The following ATE1 variants were observed in gnomAD, a reference collection of about 807,000 sequenced individuals.
ATE1 encodes the protein arginyltransferase 1.
Under a neutral mutation model 70.5 loss-of-function variants are expected in ATE1, and 36 were observed. The observed-to-expected ratio is 0.51, with a 90% CI of 0.39 to 0.67. The LOEUF is 0.67. ATE1 is among the 30% of genes least tolerant of loss of function. ATE1 has a pLI of 0.00. For missense variants in ATE1, 593 were observed against 629.5 expected (o/e 0.94, Z 0.62); for synonymous variants, 232 against 219.3 (o/e 1.06, Z -0.51).
chr10:121,813,808 C>T (rs980963748), intron 10 of ATE1, among the ~76,000 whole-genome samples: 14 of 152,222 alleles, frequency 9.2e-5, no homozygotes, highest in Admixed American at 4.6e-4. Context: ...TGCTCCCCTT[C>T]CCAGCTCCCT....
In ATE1 at chr10:121,745,600, G is replaced by A. The variant is rs186561699; in HGVS notation, c.1379-1742C>T. Among the ~76,000 whole-genome samples the A allele has an allele frequency of 4.1e-3, 631 of 152,260 alleles. 5 individuals carry two copies. The highest frequency in any genetic ancestry group is 0.014 in the African/African-American group (569 of 41,566). ...AAATTAGCCAGGCGTGGTGGCGGGC[G>A]CCTGTAGTCCCAGCTACTCAGGAGG... On this transcript the variant is annotated intron_variant, in intron 11 of 11. Coordinates refer to ENST00000224652, the MANE Select transcript of ATE1 (RefSeq NM_001001976.3).
At chr10:121,788,361 C>A (rs1408166070) in intron 11 of ATE1, among the ~76,000 whole-genome samples, 1 of 152,148 alleles carries the variant, frequency 6.6e-6, no homozygotes, top group Non-Finnish European at 1.5e-5. Context: ...GAAACCTAAA[C>A]ATCTAGAAAA....
At chr10:121,806,210 G>C (rs952575466) in intron 10 of ATE1, among the ~76,000 whole-genome samples, 3 of 152,160 alleles carry the variant, frequency 2.0e-5, no homozygotes, top group Non-Finnish European at 2.9e-5. Context: ...CTAGTATCTT[G>C]GGAGGCCAGG....
At chr10:121,926,688 T>G (rs1021785635) in intron 1 of ATE1, 7 of 979,162 alleles carry the variant, frequency 7.1e-6, no homozygotes, top group Non-Finnish European at 6.1e-6. Flanking sequence ...ACAAAAATTC[T>G]GAAAAAGAGA....
intron 11 of ATE1, among the ~76,000 whole-genome samples, chr10:121,775,519 C>T (rs1945701404): frequency 6.6e-6 from 1 of 152,120 alleles, no homozygotes; most frequent in Non-Finnish European, 1.5e-5. Context: ...TGCTACAGTT[C>T]TAAGTTTAAA....
At chr10:121,804,425 T>C (rs554278241) in intron 10 of ATE1, among the ~76,000 whole-genome samples, 2 of 152,220 alleles carry the variant, frequency 1.3e-5, no homozygotes, top group African/African-American at 4.8e-5. Context: ...CGAAATAGCA[T>C]AATTATCAGT....
chr10:121,807,092 G>C (rs1947127844), intron 10 of ATE1, among the ~76,000 whole-genome samples: 1 of 152,150 alleles, frequency 6.6e-6, no homozygotes, highest in Non-Finnish European at 1.5e-5. Context: ...GTGACTTAAG[G>C]CAGGTCCTCC....
intron 10 of ATE1, among the ~76,000 whole-genome samples, chr10:121,812,098 G>C (rs1296867838): frequency 1.3e-5 from 2 of 151,836 alleles, no homozygotes; most frequent in Non-Finnish European, 2.9e-5. Flanking sequence ...TGGGACTACA[G>C]GCATGAGACA....
At chr10:121,807,003 A>G (rs1947124595) in intron 10 of ATE1, among the ~76,000 whole-genome samples, 1 of 152,144 alleles carries the variant, frequency 6.6e-6, no homozygotes. Context: ...TTGACCGTGC[A>G]AGATATTTTT....
chr10:121,844,476 A>C (rs1948743536), intron 8 of ATE1, among the ~76,000 whole-genome samples: 1 of 152,132 alleles, frequency 6.6e-6, no homozygotes, highest in Admixed American at 6.5e-5. Flanking sequence ...AGTAATAGGA[A>C]CTCTCATTCA....
At chr10:121,811,860 G>A (rs1181575262) in intron 10 of ATE1, among the ~76,000 whole-genome samples, 1 of 152,000 alleles carries the variant, frequency 6.6e-6, no homozygotes, top group Non-Finnish European at 1.5e-5. Context: ...GAGAGCTAGG[G>A]GCAATGTAAC....
intron 10 of ATE1, among the ~76,000 whole-genome samples, chr10:121,797,053 C>A (rs1946685946): frequency 6.6e-6 from 1 of 152,158 alleles, no homozygotes; most frequent in South Asian, 2.1e-4. Flanking sequence ...ACTATCATAT[C>A]TTACTGGATA....
At chr10:121,759,204 A>G (rs1283526803) in intron 11 of ATE1, among the ~76,000 whole-genome samples, 1 of 152,226 alleles carries the variant, frequency 6.6e-6, no homozygotes, top group African/African-American at 2.4e-5. Flanking sequence ...CACACAAATC[A>G]TAAGTAAAAC....
At chr10:121,787,274 C>T (rs752017088) in intron 11 of ATE1, among the ~76,000 whole-genome samples, 19 of 152,304 alleles carry the variant, frequency 1.2e-4, no homozygotes, top group Admixed American at 7.2e-4. Flanking sequence ...TGACGAACAA[C>T]AATTATTGCC....
intron 8 of ATE1, among the ~76,000 whole-genome samples, chr10:121,847,710 A>T (rs1224416271): frequency 5.8e-5 from 8 of 138,826 alleles, no homozygotes. Context: ...GTAAGCTGAG[A>T]TCACGCCACT....
rs1199375055 is a variant in ATE1, at chr10:121,741,813, T to C, written c.*1867A>G. On this transcript the variant is annotated 3_prime_UTR_variant, in exon 12 of 12. Transcript: ENST00000224652. ...AGCATGTAGAACATAATTCTATTTA[T>C]ATTAAAATTACATAGGTATGTGTGT... 2 of 152,268 alleles carry C rather than the reference T, an allele frequency of 1.3e-5. No individual in the cohort carries two copies. Among genetic ancestry groups the C allele is most frequent in the African/African-American group, 2.4e-5 (1 of 41,472 alleles). The allele number at this position is 152,268 out of a possible 1,614,324, so 9.4% of individuals were successfully genotyped here.
At chr10:121,869,875 CTG>C in intron 8 of ATE1, 129 bp downstream of exon 8, 1 of 760,358 alleles carries the variant, frequency 1.3e-6, no homozygotes, top group African/African-American at 1.7e-5. Context: ...CACTCCATTA[CTG>C]TTATTGAAGA....
At chr10:121,768,408 A>G (rs1188138647) in intron 11 of ATE1, among the ~76,000 whole-genome samples, 1 of 152,220 alleles carries the variant, frequency 6.6e-6, no homozygotes. Context: ...TAGGACTCTG[A>G]AAGTTGATTA....
Position 121,769,268 on chromosome 10 carries a change from A to C in ATE1, c.1378+20901T>G, listed in dbSNP as rs542980631. Among the ~76,000 whole-genome samples, 17 of 152,334 alleles carry C rather than the reference A, an allele frequency of 1.1e-4. No homozygotes were observed. In the South Asian group the frequency reaches 3.1e-3, roughly 28 times the overall value. On this transcript the variant is annotated intron_variant, in intron 11 of 11. Coordinates refer to ENST00000224652, the MANE Select transcript of ATE1 (RefSeq NM_001001976.3). ...CAAGTATGGCCAACTAATTTTTGAC[A>C]AAGTTGCAAAAGTAATTCATGAAGG... is the stretch of plus-strand genomic sequence containing the variant.
Sources: gnomAD v4.1 joint callset for allele counts (sites outside exome capture counted in the v4.1 genomes callset) on GRCh38, gnomAD v4.1.1 for gene constraint, MANE v1.5 for transcripts, NCBI Gene and HGNC (gene_info 2026-07-23, HGNC 2026-07-21) for gene names.